NACC2: variants seen among roughly 807,000 people sequenced by gnomAD.
NACC2 encodes nucleus accumbens-associated protein 2.
A neutral mutation model predicts 25.1 loss-of-function variants in NACC2; 8 were observed. The ratio of observed to expected loss-of-function variants is 0.32; its 90% CI spans 0.19 to 0.57. NACC2 has a LOEUF of 0.57. NACC2 is among the 20% of genes least tolerant of loss of function. The probability of loss-of-function intolerance (pLI) is 0.89; values close to 1 mark genes in which losing one functional copy is unlikely to be tolerated. For missense variants in NACC2, 644 were observed against 650.2 expected (o/e 0.99, Z 0.10); for synonymous variants, 435 against 294.7 (o/e 1.48, Z -4.88).
chr9:136,045,044 T>A (rs1036921740), intron 2 of NACC2, among the ~76,000 whole-genome samples: 2 of 152,214 alleles, frequency 1.3e-5, no homozygotes, highest in Non-Finnish European at 2.9e-5. Flanking sequence ...CCCAGTGGCA[T>A]CTGTCCAGGG....
chr9:136,054,954 G>A (rs1365734962), intron 1 of NACC2, among the ~76,000 whole-genome samples: 9 of 152,098 alleles, frequency 5.9e-5, no homozygotes, highest in Admixed American at 6.5e-5. Context: ...CTGCAGCTGT[G>A]CCAGCCTTCG....
chr9:136,076,498 C>G (rs1190311998), intron 1 of NACC2, among the ~76,000 whole-genome samples: 1 of 152,082 alleles, frequency 6.6e-6, no homozygotes, highest in Admixed American at 6.6e-5. Context: ...CAGGACAGTT[C>G]AGAGACAGGA....
In NACC2 at chr9:136,022,425, C is replaced by T. The variant is rs1053432539; in HGVS notation, c.887-5996G>A. 6.6e-6 allele frequency among the ~76,000 whole-genome samples: 1 copy of T among 152,254 alleles called. No homozygotes were observed. Among genetic ancestry groups the T allele is most frequent in the Non-Finnish European group, 1.5e-5 (1 of 68,048 alleles). On this transcript the variant is annotated intron_variant, in intron 2 of 5. Coordinates refer to ENST00000277554, the MANE Select transcript of NACC2 (RefSeq NM_144653.5). The surrounding 1 kb of genome is among the most constrained non-coding windows in gnomAD (Gnocchi z 4.4). ...ACAACTTGCTTCCCAGCTCCCCGCCCAGGTGCCTCCTGATGGCCAGAGCCC... is the reference window on the plus strand; with the variant it reads ...ACAACTTGCTTCCCAGCTCCCCGCCTAGGTGCCTCCTGATGGCCAGAGCCC...
At chr9:136,012,677 T>A (rs1447799139) in intron 5 of NACC2, among the ~76,000 whole-genome samples, 21 of 152,020 alleles carry the variant, frequency 1.4e-4, no homozygotes, top group African/African-American at 4.8e-4. Flanking sequence ...TTTTTTTCTT[T>A]TTTTTAGGAA....
intron 2 of NACC2, among the ~76,000 whole-genome samples, chr9:136,033,984 A>G (rs930940984): frequency 6.6e-6 from 1 of 151,970 alleles, no homozygotes; most frequent in Non-Finnish European, 1.5e-5. Flanking sequence ...TGAAAATGCA[A>G]AAAATAGCCA....
intron 1 of NACC2, among the ~76,000 whole-genome samples, chr9:136,058,620 C>G (rs1226004959): frequency 1.3e-5 from 2 of 152,180 alleles, no homozygotes; most frequent in African/African-American, 4.8e-5. Context: ...GAAAACTAAC[C>G]CACCGGGTAC....
chr9:136,031,281 C>T (rs967642864), intron 2 of NACC2, among the ~76,000 whole-genome samples: 11 of 152,130 alleles, frequency 7.2e-5, no homozygotes, highest in South Asian at 2.1e-4. Flanking sequence ...ATGAGAACGT[C>T]GGTATCAATG....
At chr9:136,087,769 G>A (rs1288043541) in intron 1 of NACC2, among the ~76,000 whole-genome samples, 2 of 152,220 alleles carry the variant, frequency 1.3e-5, no homozygotes, top group Admixed American at 6.5e-5. Flanking sequence ...CCCTGGAAGT[G>A]GCTGCTCAGC....
In NACC2 at chr9:136,086,749, G is replaced by C. The variant is rs1162001284; in HGVS notation, c.-60+8440C>G. ...GTTTCCCTCCCACGACCCCCGCTCA[G>C]CTTGGGCCTGGAGCTGGCCAGCTGC... On this transcript the variant is annotated intron_variant, in intron 1 of 5. Transcript: ENST00000277554. This position sits in a 1 kb window ranked among gnomAD's most constrained non-coding sequence, Gnocchi z 5.6. Among the ~76,000 whole-genome samples, 1 of 152,182 alleles carries C rather than the reference G, an allele frequency of 6.6e-6. No individual in the cohort carries two copies. The highest frequency in any genetic ancestry group is 2.4e-5 in the African/African-American group (1 of 41,442).
intron 1 of NACC2, among the ~76,000 whole-genome samples, chr9:136,056,531 G>A (rs889843473): frequency 4.6e-5 from 7 of 152,178 alleles, no homozygotes; most frequent in Non-Finnish European, 5.9e-5. Context: ...GCCTGGCCCC[G>A]CCCAACAGAC....
intron 2 of NACC2, among the ~76,000 whole-genome samples, chr9:136,047,618 G>A (rs1840750455): frequency 6.6e-6 from 1 of 152,370 alleles, no homozygotes; most frequent in East Asian, 1.9e-4. Flanking sequence ...CCACCCCTCA[G>A]CCCCAATGGG....
At chr9:136,033,599 G>A (rs1564225333) in intron 2 of NACC2, among the ~76,000 whole-genome samples, 6 of 135,896 alleles carry the variant, frequency 4.4e-5, no homozygotes, top group South Asian at 4.8e-4. Context: ...GGAGTGAGCT[G>A]AGATCTGCCA....
At chr9:136,061,485 G>A (rs368635269) in intron 1 of NACC2, among the ~76,000 whole-genome samples, 24 of 152,342 alleles carry the variant, frequency 1.6e-4, no homozygotes, top group South Asian at 4.1e-4. Flanking sequence ...GCATTTGGCC[G>A]CAGGAAGGGG....
Position 136,011,350 on chromosome 9 carries a change from C to G in NACC2, c.*166G>C. On this transcript the variant is annotated 3_prime_UTR_variant, in exon 6 of 6. Transcript: ENST00000277554. ...CTAATTGTTTACAGTATAATGAATG[C>G]ATTTGTTTCCTTCATCAATTTTAAA... 1.3e-6 allele frequency: 1 copy of G among 763,074 alleles called. No individual in the cohort carries two copies. The highest frequency in any genetic ancestry group is 1.8e-6 in the Non-Finnish European group (1 of 548,122). The allele number at this position is 763,074 out of a possible 1,614,324, so 47.3% of individuals were successfully genotyped here.
intron 1 of NACC2, among the ~76,000 whole-genome samples, chr9:136,091,672 A>G (rs1168044317): frequency 6.6e-6 from 1 of 152,168 alleles, no homozygotes; most frequent in African/African-American, 2.4e-5. Context: ...CCCAAACCGT[A>G]AACAGCAAAC....
At chr9:136,045,874 G>A (rs960699904) in intron 2 of NACC2, among the ~76,000 whole-genome samples, 2 of 152,138 alleles carry the variant, frequency 1.3e-5, no homozygotes, top group African/African-American at 2.4e-5. Context: ...ACCCCTGAGC[G>A]CAGCTGGGGA....
At chr9:136,060,952 G>T (rs1841002000) in intron 1 of NACC2, among the ~76,000 whole-genome samples, 1 of 152,206 alleles carries the variant, frequency 6.6e-6, no homozygotes, top group African/African-American at 2.4e-5. Flanking sequence ...GTGAAAGGGG[G>T]AGGGGAGGGT....
At chr9:136,041,912 G>C (rs1382670840) in intron 2 of NACC2, among the ~76,000 whole-genome samples, 1 of 152,100 alleles carries the variant, frequency 6.6e-6, no homozygotes, top group Non-Finnish European at 1.5e-5. Flanking sequence ...CTGATTTACA[G>C]AATCAGTGCA....
chr9:136,016,186 G>T lies in NACC2; in HGVS notation c.1051+79C>A. 6 of 1,522,016 alleles carry T rather than the reference G, an allele frequency of 3.9e-6. No individual in the cohort carries two copies. The South Asian group carries it at 5.7e-5, about 15-fold the overall frequency. 94.3% of individuals were successfully genotyped at this position (1,522,016 alleles called of 1,614,324 possible). ...TTGACTGATTGGTGATGAGTACATTGTTCAGAGCTCTCCAATAAATAAATA... is the reference window on the plus strand; with the variant it reads ...TTGACTGATTGGTGATGAGTACATTTTTCAGAGCTCTCCAATAAATAAATA... On this transcript the variant is annotated intron_variant, in intron 3 of 5. Transcript: ENST00000277554.
Sources: gnomAD v4.1 joint callset for allele counts (sites outside exome capture counted in the v4.1 genomes callset) on GRCh38, gnomAD v4.1.1 for gene constraint, Gnocchi (gnomAD v3.1) non-coding constraint, MANE v1.5 for transcripts, NCBI Gene and HGNC (gene_info 2026-07-23, HGNC 2026-07-21) for gene names.